Variants in RNF216 observed in about 807,000 individuals in gnomAD.
RNF216 encodes the protein E3 ubiquitin-protein ligase RNF216.
In RNF216, 72 loss-of-function variants were observed where a neutral mutation model predicts 110.8. The ratio of observed to expected loss-of-function variants is 0.65; its 90% CI spans 0.54 to 0.79. The LOEUF (loss-of-function observed/expected upper bound fraction) is 0.79. RNF216 is among the 30% of genes least tolerant of loss of function. The pLI is 0.00. For missense variants in RNF216, 1,342 were observed against 1,141.2 expected (o/e 1.18, Z -2.54); for synonymous variants, 495 against 407.5 (o/e 1.21, Z -2.59).
Position 5,725,346 on chromosome 7 carries a change from G to T in RNF216, c.1482C>A (p.Tyr494Ter), listed in dbSNP as rs1356557114. 2.5e-6 allele frequency: 4 copies of T among 1,607,772 alleles called. No individual in the cohort carries two copies. The highest frequency in any genetic ancestry group is 2.2e-5 in the East Asian group (1 of 44,868). Residue 494 changes from tyrosine (Y) to a stop codon, truncating the protein, a stop_gained, in exon 8 of 17, where the codon TAC (tyrosine) becomes TAA (stop). Coordinates refer to ENST00000389902, the MANE Select transcript of RNF216 (RefSeq NM_207111.4). LOFTEE classifies it high-confidence loss of function. ...KKRKQMNQYS[Y>*]IDFKFEQGDI... ...TACCTTGTTCAAACTTGAAATCAAT[G>T]TAAGAATACTGGTTCATTTGTTTTC... is the stretch of plus-strand genomic sequence containing the variant.
intron 5 of RNF216, among the ~76,000 whole-genome samples, chr7:5,738,358 C>T (rs900595062): frequency 6.6e-6 from 1 of 151,956 alleles, no homozygotes; most frequent in Non-Finnish European, 1.5e-5. Flanking sequence ...CCCAAAGTGC[C>T]AGAATTAAAG....
Position 5,740,104 on chromosome 7 carries a change from C to CT in RNF216, c.1045-753dup, listed in dbSNP as rs71004698. ...AAATAGTGGCTACCAGATGTAACAC[C>CT]TTTTTTTTTTTTTTTTTTTTTTTTT... On this transcript the variant is annotated intron_variant, in intron 4 of 16. Coordinates refer to ENST00000389902, the MANE Select transcript of RNF216 (RefSeq NM_207111.4). Among the ~76,000 whole-genome samples, 52 of 118,494 alleles carry CT rather than the reference C, an allele frequency of 4.4e-4. 2 individuals are homozygous for CT. Among genetic ancestry groups the CT allele is most frequent in the East Asian group, 9.5e-4 (4 of 4,216 alleles). The allele number at this position is 118,494 out of a possible 152,430, so 77.7% of individuals were successfully genotyped here.
chr7:5,644,164 T>A (rs1010457487), intron 14 of RNF216, among the ~76,000 whole-genome samples: 2 of 152,220 alleles, frequency 1.3e-5, no homozygotes, highest in African/African-American at 4.8e-5. Flanking sequence ...AAGTTTTATA[T>A]GGACACTTGT....
intron 13 of RNF216, among the ~76,000 whole-genome samples, chr7:5,711,313 G>A (rs1325782557): frequency 2.6e-5 from 4 of 152,206 alleles, no homozygotes; most frequent in African/African-American, 4.8e-5. Flanking sequence ...CCTACCAGAT[G>A]TGATGGAGAT....
chr7:5,672,652 C>T (rs1236468516), intron 13 of RNF216, among the ~76,000 whole-genome samples: 2 of 152,160 alleles, frequency 1.3e-5, no homozygotes, highest in East Asian at 1.9e-4. Context: ...AAAGACTCAT[C>T]GCATAAATAC....
intron 3 of RNF216, 128 bp downstream of exon 3, chr7:5,752,718 A>T: frequency 1.2e-6 from 1 of 837,388 alleles, no homozygotes; most frequent in Non-Finnish European, 1.8e-6. Flanking sequence ...ACGAGGTAGA[A>T]TGGAAAAGGG....
chr7:5,725,718 C>T (rs556486613), intron 7 of RNF216, among the ~76,000 whole-genome samples: 14 of 152,076 alleles, frequency 9.2e-5, no homozygotes, highest in Admixed American at 5.2e-4. Flanking sequence ...GGCATGGTGG[C>T]GCACGCCTGT....
In RNF216 at chr7:5,730,804, G is replaced by A; in HGVS notation, c.1135C>T (p.Leu379Phe). The A allele has an allele frequency of 6.3e-7, 1 of 1,591,764 alleles. No individual in the cohort carries two copies. The change falls in exon 6 of 17, where the codon CTT becomes TTT. Residue 379 changes from leucine (L) to phenylalanine (F), a missense_variant. Leu to Phe is a conservative substitution (Grantham distance 22). Transcript: ENST00000389902. ...TTTGGATAATCTGGGTTTTCCAGAA[G>A]AAAATTACAAAGTCTGCAGAAACAA... ...YYDLNVLCNFLLENPDYPKRE... is the reference protein window; with the variant it reads ...YYDLNVLCNFFLENPDYPKRE...
At chr7:5,623,915 A>G (rs146067142) in intron 16 of RNF216, 141 bp downstream of exon 16, 2 of 656,862 alleles carry the variant, frequency 3.0e-6, no homozygotes, top group Non-Finnish European at 5.2e-6. Flanking sequence ...GCGTGGGTGA[A>G]GTCAGGTCTA....
intron 12 of RNF216, 159 bp from the exon 13 acceptor site, chr7:5,711,998 T>G: frequency 1.6e-6 from 1 of 624,550 alleles, no homozygotes; most frequent in Non-Finnish European, 2.8e-6. Flanking sequence ...TTGAACCTCT[T>G]CTTTGTGCTG....
intron 1 of RNF216, among the ~76,000 whole-genome samples, chr7:5,762,920 T>C (rs1217806208): frequency 6.6e-6 from 1 of 152,180 alleles, no homozygotes; most frequent in Non-Finnish European, 1.5e-5. Flanking sequence ...AGACTTGTAT[T>C]TTTGTAATCC....
At position 5,702,781 on chromosome 7, in the gene RNF216, A is replaced by G. The variant is rs958678148; in HGVS notation, c.2061+8980T>C. On this transcript the variant is annotated intron_variant, in intron 13 of 16. Transcript: ENST00000389902. ...AAAACTGACAGAAGTACTCAGACAC[A>G]AGTAGAGTTAAAAATCCTGAAGCCT... Among the ~76,000 whole-genome samples, 38 of 152,186 alleles carry G rather than the reference A, an allele frequency of 2.5e-4. 1 individual carries two copies. The highest frequency in any genetic ancestry group is 5.2e-4 in the Admixed American group (8 of 15,286).
At chr7:5,660,942 G>GGTTTTTTTTTTTT (rs1789081069) in intron 13 of RNF216, among the ~76,000 whole-genome samples, 1 of 120,986 alleles carries the variant, frequency 8.3e-6, no homozygotes, top group South Asian at 2.5e-4. Context: ...TGAAGCCTTA[G>GGTTTTTTTTTTTT]GTTTTTTTTT....
chr7:5,710,523 A>T (rs1792609370), intron 13 of RNF216, among the ~76,000 whole-genome samples: 1 of 152,136 alleles, frequency 6.6e-6, no homozygotes, highest in Admixed American at 6.5e-5. Context: ...ACTCATGAAG[A>T]CCCAAGAGGC....
At chr7:5,661,333 C>T (rs1019464657) in intron 13 of RNF216, among the ~76,000 whole-genome samples, 1 of 151,116 alleles carries the variant, frequency 6.6e-6, no homozygotes, top group Non-Finnish European at 1.5e-5. Flanking sequence ...GTAGCCTGAA[C>T]TTACAGGTGT....
intron 3 of RNF216, 29 bp from the exon 4 acceptor site, chr7:5,741,844 A>T: frequency 6.4e-7 from 1 of 1,564,620 alleles, no homozygotes; most frequent in Non-Finnish European, 8.6e-7. Context: ...TTAATAATTC[A>T]ATTTCTTTCC....
At chr7:5,771,688 T>G (rs547718994) in intron 1 of RNF216, among the ~76,000 whole-genome samples, 1 of 152,024 alleles carries the variant, frequency 6.6e-6, no homozygotes, top group Non-Finnish European at 1.5e-5. Context: ...TCCCAGCTAC[T>G]CAGGAGGCTG....
chr7:5,625,336 G>A lies in RNF216; in HGVS notation c.2383-1211C>T, dbSNP rs529939471. Reference sequence around the variant, plus strand: ...GGATTAGCAAGTCCCAACAATGCAAGCAGTCTAATGAAAGCACATTTATTT... The same window carrying A: ...GGATTAGCAAGTCCCAACAATGCAAACAGTCTAATGAAAGCACATTTATTT... On this transcript the variant is annotated intron_variant, in intron 15 of 16. Transcript: ENST00000389902. Among the ~76,000 whole-genome samples the A allele has an allele frequency of 2.6e-5, 4 of 152,354 alleles. No individual in the cohort carries two copies. The East Asian group carries it at 7.7e-4, about 29-fold the overall frequency.
At chr7:5,689,919 T>G (rs1791223007) in intron 13 of RNF216, among the ~76,000 whole-genome samples, 1 of 142,816 alleles carries the variant, frequency 7.0e-6, no homozygotes, top group African/African-American at 2.7e-5. Context: ...CCAGCCTGGG[T>G]GACTCTGTCT....
Sources: allele counts gnomAD v4.1 joint callset (sites outside exome capture counted in the v4.1 genomes callset), GRCh38; gene constraint gnomAD v4.1.1; transcripts MANE v1.5; gene names NCBI Gene and HGNC (gene_info 2026-07-23, HGNC 2026-07-21).